EXOC6B: variants seen among roughly 807,000 people sequenced by gnomAD.
The protein encoded by EXOC6B is SEC15 homolog B.
A neutral mutation model predicts 113.5 loss-of-function variants in EXOC6B; 54 were observed. That is an observed-to-expected ratio of 0.48 (90% CI 0.38 to 0.60). EXOC6B has a LOEUF of 0.60. Among genes scored for constraint, EXOC6B ranks in the 20% least tolerant of loss-of-function variants. The pLI, the probability that EXOC6B is intolerant of heterozygous loss-of-function variation, is 0.00. For missense variants in EXOC6B, 797 were observed against 977.5 expected (o/e 0.82, Z 2.46); for synonymous variants, 357 against 339.0 (o/e 1.05, Z -0.58).
chr2:72,636,719 A>T (rs1672860896), intron 6 of EXOC6B, among the ~76,000 whole-genome samples: 1 of 152,214 alleles, frequency 6.6e-6, no homozygotes, highest in Non-Finnish European at 1.5e-5. Context: ...CTTCATAGTA[A>T]ATGGTTAAAG....
At chr2:72,694,984 C>G (rs1044729198) in intron 6 of EXOC6B, among the ~76,000 whole-genome samples, 4 of 152,118 alleles carry the variant, frequency 2.6e-5, no homozygotes, top group African/African-American at 9.7e-5. Flanking sequence ...GGGATGCTTG[C>G]TACAAAAACA....
intron 1 of EXOC6B, among the ~76,000 whole-genome samples, chr2:72,761,346 T>C (rs1682732259): frequency 6.6e-6 from 1 of 152,226 alleles, no homozygotes; most frequent in African/African-American, 2.4e-5. Flanking sequence ...AAAGTGATGA[T>C]CTACTGTGAC....
At chr2:72,554,404 CTA>C (rs1256771534) in intron 8 of EXOC6B, among the ~76,000 whole-genome samples, 4 of 152,152 alleles carry the variant, frequency 2.6e-5, no homozygotes, top group Non-Finnish European at 4.4e-5. Context: ...ATTGTAATCC[CTA>C]TGTGTCAAGG....
Position 72,615,442 on chromosome 2 carries a change from G to A in EXOC6B, c.670-39774C>T, listed in dbSNP as rs140603215. 2.7e-3 allele frequency among the ~76,000 whole-genome samples: 402 copies of A among 151,650 alleles called. 1 individual carries two copies. Among genetic ancestry groups the A allele is most frequent in the African/African-American group, 9.0e-3 (373 of 41,354 alleles). The stretch of plus-strand genomic sequence containing the variant: ...TGAGCAAAGAACAAATTGCATTATC[G>A]GCCTAACCCCCAAACCAGAATAGGT... On this transcript the variant is annotated intron_variant, in intron 6 of 21. Transcript: ENST00000272427.
chr2:72,807,060 C>T (rs1277559948), intron 1 of EXOC6B, among the ~76,000 whole-genome samples: 1 of 151,852 alleles, frequency 6.6e-6, no homozygotes, highest in Admixed American at 6.6e-5. Flanking sequence ...GTTTTCATTC[C>T]AATGCTTTGG....
At chr2:72,460,229 G>A (rs912853885) in intron 18 of EXOC6B, among the ~76,000 whole-genome samples, 37 of 151,626 alleles carry the variant, frequency 2.4e-4, no homozygotes, top group Non-Finnish European at 3.8e-4. Context: ...AGACTTAAAC[G>A]TTAGACCTAA....
At chr2:72,780,585 C>G (rs919669061) in intron 1 of EXOC6B, among the ~76,000 whole-genome samples, 1 of 152,120 alleles carries the variant, frequency 6.6e-6, no homozygotes, top group African/African-American at 2.4e-5. Context: ...GGCAAGCTGT[C>G]AAAGGTTTCC....
At chr2:72,764,977 G>T (rs886581846) in intron 1 of EXOC6B, among the ~76,000 whole-genome samples, 9 of 152,050 alleles carry the variant, frequency 5.9e-5, no homozygotes, top group African/African-American at 2.2e-4. Flanking sequence ...TCCCAGCCAG[G>T]TGTGGTGGCT....
At chr2:72,547,012 G>C (rs1401901573) in intron 8 of EXOC6B, among the ~76,000 whole-genome samples, 1 of 152,334 alleles carries the variant, frequency 6.6e-6, no homozygotes, top group Admixed American at 6.5e-5. Context: ...GAGATTCAGG[G>C]AATTGGCGAA....
intron 20 of EXOC6B, among the ~76,000 whole-genome samples, chr2:72,223,431 A>G (rs1018176189): frequency 1.3e-5 from 2 of 152,206 alleles, no homozygotes; most frequent in Non-Finnish European, 2.9e-5. Context: ...GATGAATAGT[A>G]GATTGCAAAC....
intron 18 of EXOC6B, among the ~76,000 whole-genome samples, chr2:72,421,849 G>C (rs564798835): frequency 2.0e-5 from 3 of 152,202 alleles, no homozygotes; most frequent in South Asian, 4.1e-4. Context: ...AGCGGGAACC[G>C]GGGCTGCGTG....
intron 20 of EXOC6B, among the ~76,000 whole-genome samples, chr2:72,209,493 A>G (rs1680051217): frequency 6.6e-6 from 1 of 152,114 alleles, no homozygotes; most frequent in African/African-American, 2.4e-5. Context: ...CAGCCTGGGC[A>G]ACAGATCCAG....
intron 20 of EXOC6B, among the ~76,000 whole-genome samples, chr2:72,256,854 A>T (rs900519922): frequency 6.6e-6 from 1 of 152,186 alleles, no homozygotes; most frequent in Non-Finnish European, 1.5e-5. Context: ...GAGACATATT[A>T]TCATAATTTC....
intron 1 of EXOC6B, among the ~76,000 whole-genome samples, chr2:72,785,139 T>A (rs1225554705): frequency 6.6e-6 from 1 of 152,226 alleles, no homozygotes; most frequent in Non-Finnish European, 1.5e-5. Context: ...AGGTCTCACA[T>A]CCAAGTCACA....
intron 18 of EXOC6B, among the ~76,000 whole-genome samples, chr2:72,390,043 C>T (rs1692273836): frequency 6.6e-6 from 1 of 152,094 alleles, no homozygotes. Flanking sequence ...CGAGATCGCA[C>T]CACTGCACCC....
intron 1 of EXOC6B, among the ~76,000 whole-genome samples, chr2:72,752,124 T>C (rs532508692): frequency 6.6e-6 from 1 of 152,258 alleles, no homozygotes; most frequent in African/African-American, 2.4e-5. Flanking sequence ...CACCATTCTC[T>C]TTAAGATGCC....
intron 18 of EXOC6B, among the ~76,000 whole-genome samples, chr2:72,415,524 T>C (rs1694468341): frequency 1.3e-5 from 2 of 151,850 alleles, no homozygotes; most frequent in South Asian, 4.2e-4. Flanking sequence ...TGGTTTCTTT[T>C]TTTTTTTTTT....
chr2:72,566,284 T>C (rs990647905), intron 7 of EXOC6B, among the ~76,000 whole-genome samples: 21 of 152,350 alleles, frequency 1.4e-4, no homozygotes, highest in Non-Finnish European at 2.2e-4. Flanking sequence ...ATATAGCATG[T>C]AGCCTTTTGA....
In EXOC6B at chr2:72,749,852, G is replaced by C. The variant is rs372491715; in HGVS notation, c.114-8383C>G. Among the ~76,000 whole-genome samples the C allele has an allele frequency of 1.4e-4, 22 of 151,980 alleles. 2 individuals carry two copies. Among genetic ancestry groups the C allele is most frequent in the African/African-American group, 4.3e-4 (18 of 41,484 alleles). Reference sequence around the variant, plus strand: ...CAGTGAATAGCCATGATCCACTTATGCATGTAGATTTAATGTGGACTTAAC... The same window carrying C: ...CAGTGAATAGCCATGATCCACTTATCCATGTAGATTTAATGTGGACTTAAC... On this transcript the variant is annotated intron_variant, in intron 1 of 21. Transcript: ENST00000272427.
Sources: allele counts gnomAD v4.1 joint callset (sites outside exome capture counted in the v4.1 genomes callset), GRCh38; gene constraint gnomAD v4.1.1; transcripts MANE v1.5; gene names NCBI Gene and HGNC (gene_info 2026-07-23, HGNC 2026-07-21).